DNHD1: variants seen among roughly 807,000 people sequenced by gnomAD.
DNHD1 encodes dynein heavy chain domain-containing protein 1.
A neutral mutation model predicts 458.1 loss-of-function variants in DNHD1; 383 were observed. That is an observed-to-expected ratio of 0.84 (90% CI 0.77 to 0.91). The LOEUF (loss-of-function observed/expected upper bound fraction) is 0.91, where lower values mean the gene tolerates loss of function less well. DNHD1 is among the 40% of genes least tolerant of loss of function. DNHD1 has a pLI of 0.00. For missense variants in DNHD1, 5,336 were observed against 5,866.1 expected, an observed-to-expected ratio of 0.91 and a Z score of 2.95; for synonymous variants, 2,203 against 2,376.9, an observed-to-expected ratio of 0.93 and a Z score of 2.13.
At chr11:6,522,918 G>C (rs569907732) in intron 10 of DNHD1, among the ~76,000 whole-genome samples, 1 of 152,154 alleles carries the variant, frequency 6.6e-6, no homozygotes, top group Admixed American at 6.5e-5. Context: ...CTTAAACGGC[G>C]TTCTCCAATA....
chr11:6,518,777 A>G (rs538521442), intron 7 of DNHD1, among the ~76,000 whole-genome samples: 6 of 152,326 alleles, frequency 3.9e-5, no homozygotes, highest in African/African-American at 1.2e-4. Flanking sequence ...CATCTTATGC[A>G]TAGGGCATGT....
In DNHD1 at chr11:6,545,810, A is replaced by C; in HGVS notation, c.4871A>C (p.Lys1624Thr). ...CCCAAAAGCCCCCTACAGAGTCTTA[A>C]GACTATTGCATCTTCTGAACCCTCT... is the stretch of plus-strand genomic sequence containing the variant. ...IIPKSPLQSL[K>T]TIASSEPSLS... is the part of the protein sequence containing the mutation. Residue 1624 changes from lysine to threonine, a missense_variant, in exon 21 of 43, where the codon AAG (lysine) becomes ACG (threonine). Coordinates refer to ENST00000254579, the MANE Select transcript of DNHD1 (RefSeq NM_144666.3). The surrounding 1 kb of genome is among the most constrained non-coding windows in gnomAD (Gnocchi z 4.9). 6.4e-7 allele frequency: 1 copy of C among 1,551,916 alleles called. No individual in the cohort carries two copies. Among genetic ancestry groups the C allele is most frequent in the Non-Finnish European group, 8.7e-7 (1 of 1,147,030 alleles).
chr11:6,520,195 T>G, intron 9 of DNHD1, 43 bp from the exon 10 acceptor site: 1 of 1,589,854 alleles, frequency 6.3e-7, no homozygotes, highest in Non-Finnish European at 8.6e-7. Context: ...GAATCCCTCA[T>G]TGCTTTCCCA....
In DNHD1 at chr11:6,567,495, C is replaced by T; in HGVS notation, c.11986C>T (p.Leu3996=). ...AWHECEMLEL[L]PPFVGLCASL... is the part of the protein sequence containing the mutation. ...GCATGAATGTGAGATGTTAGAGCTGCTGCCCCCATTTGTTGGCCTGTGTGC... is the reference window on the plus strand; with the variant it reads ...GCATGAATGTGAGATGTTAGAGCTGTTGCCCCCATTTGTTGGCCTGTGTGC... The change falls in exon 36 of 43, where the codon CTG becomes TTG. Residue 3996 remains leucine, a synonymous_variant. Transcript: ENST00000254579. 1.9e-6 allele frequency: 3 copies of T among 1,613,684 alleles called. No homozygotes were observed. The highest frequency in any genetic ancestry group is 1.7e-6 in the Non-Finnish European group (2 of 1,179,758).
chr11:6,551,724 CG>C (rs1484719038), intron 24 of DNHD1, among the ~76,000 whole-genome samples: 7 of 152,064 alleles, frequency 4.6e-5, no homozygotes, highest in Non-Finnish European at 8.8e-5. Flanking sequence ...GGGCAGATCA[CG>C]AGGTCAGGAG....
At chr11:6,539,854 T>C in intron 17 of DNHD1, 22 bp from the exon 18 acceptor site, 1 of 1,551,078 alleles carries the variant, frequency 6.4e-7, no homozygotes. Context: ...CAGTCCTGGT[T>C]CCTGAGACCC....
At chr11:6,508,015 T>G (rs1335587631) in intron 4 of DNHD1, among the ~76,000 whole-genome samples, 1 of 152,216 alleles carries the variant, frequency 6.6e-6, no homozygotes, top group Non-Finnish European at 1.5e-5. Context: ...ATTTTATCTC[T>G]TAGACATTAT....
Position 6,556,837 on chromosome 11 carries a change from G to C in DNHD1, c.7542G>C (p.Leu2514=). The change falls in exon 25 of 43, where the codon CTG becomes CTC. Residue 2514 remains leucine, a synonymous_variant. Transcript: ENST00000254579. The stretch of plus-strand genomic sequence containing the variant: ...TGCCAGGATACTGTGAGCGCCCACT[G>C]TGTCCACGCCTCTTTCGACTCTTCA... The part of the protein sequence containing the change: ...VTVPGYCERP[L]CPRLFRLFTV... 1 of 1,551,676 alleles carries C rather than the reference G, an allele frequency of 6.4e-7. No individual in the cohort carries two copies. The highest frequency in any genetic ancestry group is 8.7e-7 in the Non-Finnish European group (1 of 1,146,990).
At chr11:6,530,538 G>A (rs1475331666) in intron 12 of DNHD1, among the ~76,000 whole-genome samples, 2 of 152,192 alleles carry the variant, frequency 1.3e-5, no homozygotes, top group East Asian at 3.8e-4. Flanking sequence ...ATAGCCAATA[G>A]TATCTACTTC....
intron 12 of DNHD1, among the ~76,000 whole-genome samples, chr11:6,532,115 G>A (rs189418632): frequency 6.6e-6 from 1 of 152,266 alleles, no homozygotes; most frequent in Admixed American, 6.5e-5. Context: ...TGTCTGGTAT[G>A]TAGAAAGCAC....
In DNHD1 at chr11:6,502,734, C is replaced by T. The variant is rs746368615; in HGVS notation, c.747-19C>T. 1 of 1,560,656 alleles carries T rather than the reference C, an allele frequency of 6.4e-7. No individual in the cohort carries two copies. The highest frequency in any genetic ancestry group is 2.3e-5 in the East Asian group (1 of 43,444). The stretch of plus-strand genomic sequence containing the variant: ...ACCTTTTTACTCTGCCTTTTCTCTC[C>T]TGATTTTCTGTCACACAGGTCTCAG... On this transcript the variant is annotated intron_variant, in intron 3 of 42. Transcript: ENST00000254579.
At chr11:6,535,124 G>T (rs187039301) in intron 14 of DNHD1, among the ~76,000 whole-genome samples, 14 of 152,274 alleles carry the variant, frequency 9.2e-5, no homozygotes, top group African/African-American at 3.4e-4. Flanking sequence ...TTTATCATCA[G>T]TCATTCCTTT....
chr11:6,502,399 C>G (rs1296880726), intron 3 of DNHD1, among the ~76,000 whole-genome samples: 1 of 152,144 alleles, frequency 6.6e-6, no homozygotes, highest in African/African-American at 2.4e-5. Context: ...GCTTACAGAG[C>G]AATGAGTTGG....
In DNHD1 at chr11:6,558,980, C is replaced by T. The variant is rs1399854594; in HGVS notation, c.9290C>T (p.Thr3097Ile). 1.3e-6 allele frequency: 2 copies of T among 1,551,688 alleles called. No individual in the cohort carries two copies. Among genetic ancestry groups the T allele is most frequent in the Admixed American group, 2.0e-5 (1 of 51,002 alleles). The change falls in exon 27 of 43, where the codon ACC becomes ATC. Residue 3097 changes from threonine (T) to isoleucine (I), a missense_variant. Physicochemically the swap from Thr to Ile is moderately conservative, Grantham distance 89. This residue lies in a region of DNHD1 where 3,932 missense variants were observed against 4,365.6 expected (regional missense o/e 0.90). Transcript: ENST00000254579. ...KAMALIHLSA[T>I]HYHEHLCPAL... ...ATGGCTCTTATCCACCTTTCGGCCA[C>T]CCACTACCATGAGCACCTGTGCCCT...
Position 6,557,916 on chromosome 11 carries a change from G to A in DNHD1, c.8621G>A (p.Arg2874His), listed in dbSNP as rs895836428. The stretch of plus-strand genomic sequence containing the variant: ...CATTCCATGGCCCAGCACGTGGCCC[G>A]CCTGGTCCGGGTGCTGGCCAGGCCC... ...RCHSMAQHVARLVRVLARPRQ... is the reference protein window; with the variant it reads ...RCHSMAQHVAHLVRVLARPRQ... Residue 2874 changes from arginine (R) to histidine (H), a missense_variant, in exon 25 of 43, where the codon CGC becomes CAC. By Grantham distance (29) the Arg-to-His change is conservative (BLOSUM62 0). Transcript: ENST00000254579. 66 of 1,551,136 alleles carry A rather than the reference G, an allele frequency of 4.3e-5. No homozygotes were observed. The highest frequency in any genetic ancestry group is 5.5e-5 in the Non-Finnish European group (63 of 1,146,968).
chr11:6,568,519 C>G lies in DNHD1; in HGVS notation c.12604C>G (p.His4202Asp). 1 of 1,614,002 alleles carries G rather than the reference C, an allele frequency of 6.2e-7. No individual in the cohort carries two copies. The highest frequency in any genetic ancestry group is 8.5e-7 in the Non-Finnish European group (1 of 1,179,892). The stretch of plus-strand genomic sequence containing the variant: ...TGAAAGCAGGAATGTAAGCACTGTT[C>G]ACAGAGATTTTCGTCTTTGGCTTAT... ...QPESRNVSTV[H>D]RDFRLWLIVP... The change falls in exon 38 of 43, where the codon CAC becomes GAC. Residue 4202 changes from histidine to aspartate, a missense_variant. His to Asp is a moderately conservative substitution (Grantham distance 81, BLOSUM62 -1). Transcript: ENST00000254579.
Position 6,547,604 on chromosome 11 carries a change from G to T in DNHD1, c.6665G>T (p.Arg2222Leu), listed in dbSNP as rs187136087. 58 of 1,544,594 alleles carry T rather than the reference G, an allele frequency of 3.8e-5. No homozygotes were observed. The East Asian group carries it at 1.3e-3, about 35-fold the overall frequency. ...GTGGCAGAAGTTACCAGCATGGCAC[G>T]CATCTTGCATAGTCTGCTTGACCTC... The part of the protein sequence containing the change: ...AGVAEVTSMA[R>L]ILHSLLDLHL... Residue 2222 changes from arginine to leucine, a missense_variant, in exon 21 of 43, where the codon CGC becomes CTC. By Grantham distance (102) the Arg-to-Leu change is moderately radical. Coordinates refer to ENST00000254579, the MANE Select transcript of DNHD1 (RefSeq NM_144666.3).
intron 10 of DNHD1, among the ~76,000 whole-genome samples, chr11:6,526,047 T>C (rs1852705739): frequency 6.6e-6 from 1 of 152,292 alleles, no homozygotes; most frequent in South Asian, 2.1e-4. Flanking sequence ...TTTGTTTTTT[T>C]CTTGGGGGAA....
In DNHD1 at chr11:6,547,512, A is replaced by T; in HGVS notation, c.6573A>T (p.Arg2191=). 2 of 1,550,986 alleles carry T rather than the reference A, an allele frequency of 1.3e-6. No homozygotes were observed. The highest frequency in any genetic ancestry group is 1.7e-6 in the Non-Finnish European group (2 of 1,146,374). ...MAEVLVPATL[R]FLTCQGVSSL... ...AGGTTCTGGTGCCTGCAACATTGCG[A>T]TTCCTCACCTGCCAAGGTGTCAGCT... The change falls in exon 21 of 43, where the codon CGA becomes CGT. Residue 2191 remains arginine, a synonymous_variant. Transcript: ENST00000254579.
Sources: allele counts gnomAD v4.1 joint callset (sites outside exome capture counted in the v4.1 genomes callset), GRCh38; gene constraint gnomAD v4.1.1; regional missense constraint gnomAD v4.1.1; non-coding constraint Gnocchi (gnomAD v3.1); transcripts MANE v1.5; gene names NCBI Gene and HGNC (gene_info 2026-07-23, HGNC 2026-07-21).